Variants in MBLAC2 observed in about 807,000 individuals in gnomAD.
MBLAC2 encodes acyl-coenzyme A thioesterase MBLAC2.
MBLAC2 carries 24 observed loss-of-function variants against 23.3 expected under a neutral mutation model. That is an observed-to-expected ratio of 1.03 (90% CI 0.75 to 1.45). The LOEUF (loss-of-function observed/expected upper bound fraction) is 1.45. MBLAC2 is among the 40% of genes most tolerant of loss of function. The pLI is 0.00. For missense variants in MBLAC2, 358 were observed against 370.0 expected (o/e 0.97, Z 0.27); for synonymous variants, 162 against 150.9 (o/e 1.07, Z -0.54).
chr5:90,470,785 C>CACACACACACACACACACAA lies in MBLAC2; in HGVS notation c.454+3053_454+3054insTTGTGTGTGTGTGTGTGTGT, dbSNP rs3220210. On this transcript the variant is annotated intron_variant, in intron 1 of 1. Transcript: ENST00000316610. ...ACACACACACACACACACACACACA[C>CACACACACACACACACACAA]GCTTTCTTTCTCCTGTTTTCCATAC... is the stretch of plus-strand genomic sequence containing the variant. 1.2e-3 allele frequency among the ~76,000 whole-genome samples: 184 copies of CACACACACACACACACACAA among 148,170 alleles called. 1 individual carries two copies. The highest frequency in any genetic ancestry group is 3.4e-3 in the Admixed American group (50 of 14,736).
rs1201720345 is a variant in MBLAC2, at chr5:90,459,444, A to AATAGACT, written c.*1716_*1722dup. ...AAATTAAATTTATATTTTCACAAGG[A>AATAGACT]ATAGACTATTCTAGACTAGCAATGC... is the stretch of plus-strand genomic sequence containing the variant. On this transcript the variant is annotated 3_prime_UTR_variant, in exon 2 of 2. Transcript: ENST00000316610. The AATAGACT allele has an allele frequency of 6.6e-6, 1 of 152,132 alleles. No homozygotes were observed. Among genetic ancestry groups the AATAGACT allele is most frequent in the African/African-American group, 2.4e-5 (1 of 41,446 alleles). The allele number at this position is 152,132 out of a possible 1,614,324, so 9.4% of individuals were successfully genotyped here.
At chr5:90,463,228 C>T (rs965120235) in intron 1 of MBLAC2, among the ~76,000 whole-genome samples, 2 of 152,162 alleles carry the variant, frequency 1.3e-5, no homozygotes, top group Admixed American at 6.5e-5. Flanking sequence ...GAATTACAGG[C>T]GTGTGCCATC....
Position 90,461,548 on chromosome 5 carries a change from A to G in MBLAC2, c.459T>C (p.Asp153=). 6.2e-7 allele frequency: 1 copy of G among 1,606,298 alleles called. No homozygotes were observed. The change falls in exon 2 of 2, where the codon GAT becomes GAC. Residue 153 remains aspartate (D), a synonymous_variant. Coordinates refer to ENST00000316610, the MANE Select transcript of MBLAC2 (RefSeq NM_203406.2). ...GCTGTCTGTCACCAAGGTTGATCAC[A>G]TCCCCTACAAATGGAAACAGAGTTT... ...VQPTLILQDG[D]VINLGDRQLT...
rs1347754416 is a variant in MBLAC2, at chr5:90,458,244, T to TA, written c.*2922dup. ...AATATTTATTACACAAGTGCTTAGT[T>TA]ACACTTATCTGAAAATTATAATAGG... On this transcript the variant is annotated 3_prime_UTR_variant, in exon 2 of 2. Transcript: ENST00000316610. 4 of 152,180 alleles carry TA rather than the reference T, an allele frequency of 2.6e-5. No homozygotes were observed. Among genetic ancestry groups the TA allele is most frequent in the African/African-American group, 9.7e-5 (4 of 41,450 alleles). 9.4% of individuals were successfully genotyped at this position (152,180 alleles called of 1,614,324 possible). A position where few individuals can be genotyped will look rare whatever the true frequency, so the allele number is the denominator to read the frequency against.
At chr5:90,466,443 T>C (rs1750447788) in intron 1 of MBLAC2, among the ~76,000 whole-genome samples, 1 of 152,178 alleles carries the variant, frequency 6.6e-6, no homozygotes, top group Non-Finnish European at 1.5e-5. Context: ...TTTGTGACCT[T>C]GGGCTAGACA....
At chr5:90,466,458 G>C (rs944264077) in intron 1 of MBLAC2, among the ~76,000 whole-genome samples, 1 of 152,164 alleles carries the variant, frequency 6.6e-6, no homozygotes, top group Non-Finnish European at 1.5e-5. Context: ...TAGACATAGA[G>C]CTCTTAAATA....
chr5:90,474,350 T>C lies in MBLAC2; in HGVS notation c.-58A>G, dbSNP rs1374379850. ...GTGGGCGTGCGAGTCTCCCACAGGC[T>C]GTCCACACACAGGGCACTGCGGCTG... is the stretch of plus-strand genomic sequence containing the variant. On this transcript the variant is annotated 5_prime_UTR_variant, in exon 1 of 2. Coordinates refer to ENST00000316610, the MANE Select transcript of MBLAC2 (RefSeq NM_203406.2). 24 of 1,493,130 alleles carry C rather than the reference T, an allele frequency of 1.6e-5. No homozygotes were observed. The East Asian group carries it at 5.5e-4, about 34-fold the overall frequency. The allele number at this position is 1,493,130 out of a possible 1,614,324, so 92.5% of individuals were successfully genotyped here.
rs1380564755 is a variant in MBLAC2, at chr5:90,474,430, G to A, written c.-138C>T. 1.6e-5 allele frequency: 12 copies of A among 751,252 alleles called. No individual in the cohort carries two copies. The East Asian group carries it at 1.9e-4, about 12-fold the overall frequency. The allele number at this position is 751,252 out of a possible 1,614,324, so 46.5% of individuals were successfully genotyped here. The stretch of plus-strand genomic sequence containing the variant: ...GAGGCGTAGAGCGAGGCGGGGGCGT[G>A]GGATGCGGGGGTCGGAATAGGAGGA... On this transcript the variant is annotated 5_prime_UTR_variant, in exon 1 of 2. Transcript: ENST00000316610.
chr5:90,472,398 T>C (rs981146998), intron 1 of MBLAC2: 3 of 152,148 alleles, frequency 2.0e-5, no homozygotes, highest in African/African-American at 7.2e-5. Flanking sequence ...TCATCTCATA[T>C]TGTCAGATAA....
intron 1 of MBLAC2, among the ~76,000 whole-genome samples, chr5:90,470,786 G>A (rs867421934): frequency 8.1e-5 from 4 of 49,634 alleles, no homozygotes; most frequent in East Asian, 8.1e-4. Context: ...ACACACACAC[G>A]CTTTCTTTCT....
intron 1 of MBLAC2, 78 bp downstream of exon 1, chr5:90,473,761 C>G (rs1459107735): frequency 7.3e-7 from 1 of 1,366,694 alleles, no homozygotes; most frequent in Admixed American, 2.0e-5. Context: ...CCACGCAAGT[C>G]TGCAACATGC....
intron 1 of MBLAC2, among the ~76,000 whole-genome samples, chr5:90,470,210 TA>T (rs1332107603): frequency 1.3e-5 from 2 of 151,708 alleles, no homozygotes; most frequent in South Asian, 2.1e-4. Context: ...CTGGAAAGGG[TA>T]GGGGGGAAGG....
Position 90,474,228 on chromosome 5 carries a change from C to CCAGAAGATTTCTG in MBLAC2, c.64_65insCAGAAATCTTCTG (p.Arg22ProfsTer98). The CCAGAAGATTTCTG allele has an allele frequency of 2.5e-6, 4 of 1,613,386 alleles. No individual in the cohort carries two copies. The highest frequency in any genetic ancestry group is 3.4e-6 in the Non-Finnish European group (4 of 1,179,728). On this transcript the variant is annotated frameshift_variant, in exon 1 of 2. Coordinates refer to ENST00000316610, the MANE Select transcript of MBLAC2 (RefSeq NM_203406.2). LOFTEE classifies it high-confidence loss of function. The stretch of plus-strand genomic sequence containing the variant: ...GGCACGGTTGCCCGACTCGTAGAAA[C>CCAGAAGATTTCTG]GTTCTTGAATCCAGAAGATACCATC...
At chr5:90,473,751 C>T (rs1750618464) in intron 1 of MBLAC2, 88 bp downstream of exon 1, 1 of 1,296,360 alleles carries the variant, frequency 7.7e-7, no homozygotes. Flanking sequence ...CCCTTTATGG[C>T]CACGCAAGTC....
intron 1 of MBLAC2, among the ~76,000 whole-genome samples, chr5:90,468,159 G>C (rs1750481752): frequency 6.6e-6 from 1 of 152,122 alleles, no homozygotes; most frequent in Non-Finnish European, 1.5e-5. Context: ...ATAACATAAT[G>C]ACTATGTGCC....
chr5:90,461,016 A>C lies in MBLAC2; in HGVS notation c.*151T>G. 1.5e-6 allele frequency: 1 copy of C among 653,850 alleles called. No individual in the cohort carries two copies. The highest frequency in any genetic ancestry group is 2.4e-6 in the Non-Finnish European group (1 of 415,312). 40.5% of individuals were successfully genotyped at this position (653,850 alleles called of 1,614,324 possible). On this transcript the variant is annotated 3_prime_UTR_variant, in exon 2 of 2. Coordinates refer to ENST00000316610, the MANE Select transcript of MBLAC2 (RefSeq NM_203406.2). ...AAGAAAGAAAACAATTTAAACTAAC[A>C]ATTTTCTTTTTGGCTTATTCATTCT...
intron 1 of MBLAC2, among the ~76,000 whole-genome samples, chr5:90,470,592 T>C (rs982257873): frequency 2.6e-5 from 4 of 152,076 alleles, no homozygotes; most frequent in African/African-American, 9.7e-5. Context: ...TTCCTCTACA[T>C]TGGTATCTTA....
At chr5:90,473,009 C>T (rs1750589338) in intron 1 of MBLAC2, 2 of 152,180 alleles carry the variant, frequency 1.3e-5, no homozygotes, top group South Asian at 2.1e-4. Flanking sequence ...TAAGTCCCTA[C>T]GTAGGGAGAA....
In MBLAC2 at chr5:90,474,377, G is replaced by C; in HGVS notation, c.-85C>G. ...TCCACACACAGGGCACTGCGGCTGT[G>C]TGAAGCGGTCTGCCTGCAGCCAGGG... On this transcript the variant is annotated 5_prime_UTR_variant, in exon 1 of 2. Coordinates refer to ENST00000316610, the MANE Select transcript of MBLAC2 (RefSeq NM_203406.2). 7.7e-7 allele frequency: 1 copy of C among 1,294,432 alleles called. No individual in the cohort carries two copies. The highest frequency in any genetic ancestry group is 1.1e-6 in the Non-Finnish European group (1 of 913,652). The allele number at this position is 1,294,432 out of a possible 1,614,324, so 80.2% of individuals were successfully genotyped here.
Sources: gnomAD v4.1 joint callset for allele counts (sites outside exome capture counted in the v4.1 genomes callset) on GRCh38, gnomAD v4.1.1 for gene constraint, MANE v1.5 for transcripts, NCBI Gene and HGNC (gene_info 2026-07-23, HGNC 2026-07-21) for gene names.